LRRC1: variants seen among roughly 807,000 people sequenced by gnomAD.
LRRC1 encodes leucine rich repeat containing 1.
A neutral mutation model predicts 69.9 loss-of-function variants in LRRC1; 28 were observed. The observed-to-expected ratio is 0.40, with a 90% CI of 0.30 to 0.55. The LOEUF is 0.55. LRRC1 is among the 20% of genes least tolerant of loss of function. The probability of loss-of-function intolerance (pLI) is 0.47; values close to 1 mark genes in which losing one functional copy is unlikely to be tolerated. For missense variants in LRRC1, 498 were observed against 609.0 expected, an observed-to-expected ratio of 0.82 and a Z score of 1.92; for synonymous variants, 236 against 240.2, an observed-to-expected ratio of 0.98 and a Z score of 0.16.
intron 10 of LRRC1, among the ~76,000 whole-genome samples, chr6:53,906,162 T>C (rs1214508159): frequency 1.3e-5 from 2 of 152,164 alleles, no homozygotes; most frequent in Non-Finnish European, 2.9e-5. Context: ...ATTTCTTCAT[T>C]TTACGAGTGA....
intron 1 of LRRC1, among the ~76,000 whole-genome samples, chr6:53,841,709 T>G (rs1474330777): frequency 6.6e-6 from 1 of 152,078 alleles, no homozygotes; most frequent in African/African-American, 2.4e-5. Flanking sequence ...AAATGTCTTT[T>G]TAAAATATTT....
At chr6:53,840,186 T>G (rs751159201) in intron 1 of LRRC1, among the ~76,000 whole-genome samples, 2 of 152,222 alleles carry the variant, frequency 1.3e-5, no homozygotes, top group African/African-American at 2.4e-5. Flanking sequence ...AAACTGAACT[T>G]TTTGATACCA....
At chr6:53,919,229 CTTT>C (rs879406589) in intron 11 of LRRC1, 6 of 72,278 alleles carry the variant, frequency 8.3e-5, no homozygotes, top group Admixed American at 2.2e-4. Context: ...TTTTCTCTCT[CTTT>C]TTTTTTTTTT....
chr6:53,875,486 TAAAAA>T, intron 2 of LRRC1, among the ~76,000 whole-genome samples: 1 of 147,780 alleles, frequency 6.8e-6, no homozygotes, highest in Admixed American at 6.7e-5. Context: ...GTGTGACAAG[TAAAAA>T]AAAAAATCAC....
chr6:53,868,080 T>G (rs1455738423), intron 2 of LRRC1, among the ~76,000 whole-genome samples: 1 of 152,150 alleles, frequency 6.6e-6, no homozygotes, highest in Non-Finnish European at 1.5e-5. Context: ...GTACTAAGTA[T>G]TAGTATACTA....
At chr6:53,809,911 C>T (rs1764743229) in intron 1 of LRRC1, among the ~76,000 whole-genome samples, 1 of 152,224 alleles carries the variant, frequency 6.6e-6, no homozygotes, top group African/African-American at 2.4e-5. Flanking sequence ...GTATGACTTC[C>T]CCGTGACTTG....
intron 1 of LRRC1, among the ~76,000 whole-genome samples, chr6:53,797,561 C>T (rs1404881693): frequency 6.6e-6 from 1 of 152,104 alleles, no homozygotes; most frequent in African/African-American, 2.4e-5. Context: ...GTCTCCTTAC[C>T]TGCCACACAC....
At chr6:53,872,793 G>A (rs1581890255) in intron 2 of LRRC1, among the ~76,000 whole-genome samples, 1 of 118,958 alleles carries the variant, frequency 8.4e-6, no homozygotes, top group Non-Finnish European at 1.6e-5. Flanking sequence ...GTCTTGCTCT[G>A]TCATTCAAGC....
intron 10 of LRRC1, among the ~76,000 whole-genome samples, chr6:53,909,198 T>C (rs1768335094): frequency 6.6e-6 from 1 of 152,244 alleles, no homozygotes; most frequent in Non-Finnish European, 1.5e-5. Context: ...TTTGCACTTA[T>C]TCTTATCTAA....
At chr6:53,840,304 G>A (rs753210802) in intron 1 of LRRC1, among the ~76,000 whole-genome samples, 2 of 152,120 alleles carry the variant, frequency 1.3e-5, no homozygotes, top group African/African-American at 2.4e-5. Flanking sequence ...TGAAGGCATT[G>A]CTTTATTGCC....
rs576810483 is a variant in LRRC1, at chr6:53,873,365, C to T, written c.278-5628C>T. ...ACTGTGCAGTGGTGCGATCTGGGCT[C>T]GCTACAAGCTCCGCCTCCTGGGTTC... On this transcript the variant is annotated intron_variant, in intron 2 of 13. Transcript: ENST00000370888. Among the ~76,000 whole-genome samples the T allele has an allele frequency of 3.1e-3, 467 of 149,824 alleles. 4 individuals are homozygous for T. The highest frequency in any genetic ancestry group is 0.011 in the African/African-American group (438 of 40,712).
intron 1 of LRRC1, among the ~76,000 whole-genome samples, chr6:53,811,962 C>T (rs1349108297): frequency 1.3e-5 from 2 of 152,240 alleles, no homozygotes; most frequent in African/African-American, 4.8e-5. Flanking sequence ...TGCCTTGACA[C>T]CTGAGCAGAT....
chr6:53,818,100 T>C (rs998437547), intron 1 of LRRC1, among the ~76,000 whole-genome samples: 1 of 152,242 alleles, frequency 6.6e-6, no homozygotes, highest in African/African-American at 2.4e-5. Context: ...GGTCTGTGCT[T>C]CCTTTCTAAG....
rs1389675860 is a variant in LRRC1 at position 53,818,121 on chromosome 6, C to T, written c.159+22706C>T. Among the ~76,000 whole-genome samples, 5 of 152,268 alleles carry T rather than the reference C, an allele frequency of 3.3e-5. No homozygotes were observed. The East Asian group carries it at 9.6e-4, about 29-fold the overall frequency. On this transcript the variant is annotated intron_variant, in intron 1 of 13. Transcript: ENST00000370888. ...TGCTTCCTTTCTAAGGAGAAGGCCA[C>T]TCTTTTATTACCTTTGCATCTTTCC...
chr6:53,824,860 C>G (rs1443931833), intron 1 of LRRC1, among the ~76,000 whole-genome samples: 1 of 152,198 alleles, frequency 6.6e-6, no homozygotes, highest in Non-Finnish European at 1.5e-5. Flanking sequence ...TAAAACCATA[C>G]TAAAGGGTCA....
chr6:53,838,277 C>T (rs928670680), intron 1 of LRRC1, among the ~76,000 whole-genome samples: 2 of 152,180 alleles, frequency 1.3e-5, no homozygotes, highest in African/African-American at 4.8e-5. Context: ...GTTGTTTTTA[C>T]ATCTGGCATG....
chr6:53,811,418 A>G (rs1764790386), intron 1 of LRRC1, among the ~76,000 whole-genome samples: 1 of 152,232 alleles, frequency 6.6e-6, no homozygotes, highest in Non-Finnish European at 1.5e-5. Context: ...ATAATATGTC[A>G]TTAGTCATGT....
intron 1 of LRRC1, among the ~76,000 whole-genome samples, chr6:53,822,017 T>C (rs1485221178): frequency 6.6e-6 from 1 of 152,110 alleles, no homozygotes; most frequent in East Asian, 1.9e-4. Context: ...GAAATAAAAC[T>C]TATTAAAGAA....
intron 1 of LRRC1, among the ~76,000 whole-genome samples, chr6:53,816,532 G>A (rs576765872): frequency 6.6e-6 from 1 of 152,088 alleles, no homozygotes; most frequent in African/African-American, 2.4e-5. Flanking sequence ...ATAGAAATCA[G>A]TAAAAAGCCT....
Sources: allele counts gnomAD v4.1 joint callset (sites outside exome capture counted in the v4.1 genomes callset), GRCh38; gene constraint gnomAD v4.1.1; transcripts MANE v1.5; gene names NCBI Gene and HGNC (gene_info 2026-07-23, HGNC 2026-07-21).